Variants in AGAP1 observed in about 807,000 individuals in gnomAD.
AGAP1 encodes ArfGAP with GTPase domain, ankyrin repeat and PH domain 1, also known as arf-GAP with GTPase, ANK repeat and PH domain-containing protein 1.
Under a neutral mutation model 105.3 loss-of-function variants are expected in AGAP1, and 29 were observed. That is an observed-to-expected ratio of 0.28 (90% confidence interval 0.21 to 0.38). The LOEUF is 0.38. Among genes scored for constraint, AGAP1 ranks in the 10% least tolerant of loss-of-function variants. The probability of loss-of-function intolerance (pLI) is 1.00; values close to 1 mark genes in which losing one functional copy is unlikely to be tolerated. For missense variants in AGAP1, 998 were observed against 1,165.1 expected, an observed-to-expected ratio of 0.86 and a Z score of 2.09; for synonymous variants, 509 against 485.9, an observed-to-expected ratio of 1.05 and a Z score of -0.63.
intron 1 of AGAP1, among the ~76,000 whole-genome samples, chr2:235,593,941 C>T (rs1039019916): frequency 2.6e-5 from 4 of 151,966 alleles, no homozygotes; most frequent in African/African-American, 9.7e-5. Context: ...TGAACTCCAG[C>T]CTGGGGGACA....
In AGAP1 at chr2:236,035,897, CA is replaced by C. The variant is rs2057365175; in HGVS notation, c.1646-661del. On this transcript the variant is annotated intron_variant, in intron 13 of 17. Transcript: ENST00000304032. The surrounding 1 kb of genome is among the most constrained non-coding windows in gnomAD (Gnocchi z 4.2). The stretch of plus-strand genomic sequence containing the variant: ...CCTCAGGGGAGTCCAGGAACTTGCC[CA>C]AAGACTTAGATGTGGCAGGTGGGGT... 6.6e-6 allele frequency among the ~76,000 whole-genome samples: 1 copy of C among 152,052 alleles called. No individual in the cohort carries two copies. The highest frequency in any genetic ancestry group is 1.5e-5 in the Non-Finnish European group (1 of 68,020).
In AGAP1 at chr2:235,625,871, G is replaced by C. The variant is rs556987971; in HGVS notation, c.164-83308G>C. On this transcript the variant is annotated intron_variant, in intron 1 of 17. Coordinates refer to ENST00000304032, the MANE Select transcript of AGAP1 (RefSeq NM_001037131.3). The surrounding 1 kb of genome is among the most constrained non-coding windows in gnomAD (Gnocchi z 4.0). ...CATCTGGAAAGCATTGTGACAACAT[G>C]TGACCAAGTATTAAAAATGTTCTCA... 1.3e-5 allele frequency among the ~76,000 whole-genome samples: 2 copies of C among 152,344 alleles called. No homozygotes were observed. The highest frequency in any genetic ancestry group is 1.3e-4 in the Admixed American group (2 of 15,304).
Position 235,535,136 on chromosome 2 carries a change from G to A in AGAP1, c.163+40287G>A, listed in dbSNP as rs570540866. Among the ~76,000 whole-genome samples the A allele has an allele frequency of 1.3e-5, 2 of 152,160 alleles. No individual in the cohort carries two copies. ...CCAGGGCCAATACTTATCCGCAGGG[G>A]TGTGTGCCAGGCAGCCCAGGTCAGC... On this transcript the variant is annotated intron_variant, in intron 1 of 17. Transcript: ENST00000304032. The surrounding 1 kb of genome is among the most constrained non-coding windows in gnomAD (Gnocchi z 5.1).
intron 1 of AGAP1, among the ~76,000 whole-genome samples, chr2:235,697,642 G>A (rs949223459): frequency 6.6e-6 from 1 of 152,172 alleles, no homozygotes; most frequent in African/African-American, 2.4e-5. Flanking sequence ...AGTAAGGAGT[G>A]AGTTAATTCT....
rs1210530518 is a variant in AGAP1, at chr2:235,625,446, G to T, written c.164-83733G>T. Among the ~76,000 whole-genome samples, 2 of 152,218 alleles carry T rather than the reference G, an allele frequency of 1.3e-5. No individual in the cohort carries two copies. Among genetic ancestry groups the T allele is most frequent in the African/African-American group, 4.8e-5 (2 of 41,450 alleles). ...GGAGGTTCTGTAAATCTGGGAGAAA[G>T]GTGCCTTTCCTTTGGAGGGATGGTG... On this transcript the variant is annotated intron_variant, in intron 1 of 17. Coordinates refer to ENST00000304032, the MANE Select transcript of AGAP1 (RefSeq NM_001037131.3). The surrounding 1 kb of genome is among the most constrained non-coding windows in gnomAD (Gnocchi z 4.0).
intron 1 of AGAP1, among the ~76,000 whole-genome samples, chr2:235,675,384 G>A (rs1237411175): frequency 3.3e-5 from 5 of 151,946 alleles, no homozygotes; most frequent in Non-Finnish European, 7.4e-5. Flanking sequence ...GTAGAGACGG[G>A]GTTTCACTGT....
At position 236,001,030 on chromosome 2, in the gene AGAP1, G is replaced by C. The variant is rs2056097270; in HGVS notation, c.1645+32407G>C. 6.6e-6 allele frequency among the ~76,000 whole-genome samples: 1 copy of C among 152,182 alleles called. No homozygotes were observed. The highest frequency in any genetic ancestry group is 1.5e-5 in the Non-Finnish European group (1 of 68,032). On this transcript the variant is annotated intron_variant, in intron 13 of 17. Coordinates refer to ENST00000304032, the MANE Select transcript of AGAP1 (RefSeq NM_001037131.3). The surrounding 1 kb of genome is among the most constrained non-coding windows in gnomAD (Gnocchi z 4.7). Reference sequence around the variant, plus strand: ...AGTTGTCCTAACCCCCACTACCTCAGAATGTGGCCTCATATGGAACTAGGG... The same window carrying C: ...AGTTGTCCTAACCCCCACTACCTCACAATGTGGCCTCATATGGAACTAGGG...
Position 235,700,692 on chromosome 2 carries a change from C to A in AGAP1, c.164-8487C>A, listed in dbSNP as rs972181684. Among the ~76,000 whole-genome samples, 2 of 151,936 alleles carry A rather than the reference C, an allele frequency of 1.3e-5. No individual in the cohort carries two copies. The highest frequency in any genetic ancestry group is 2.9e-5 in the Non-Finnish European group (2 of 68,002). On this transcript the variant is annotated intron_variant, in intron 1 of 17. Coordinates refer to ENST00000304032, the MANE Select transcript of AGAP1 (RefSeq NM_001037131.3). This position sits in a 1 kb window ranked among gnomAD's most constrained non-coding sequence, Gnocchi z 6.1. ...GCGCGTGCCTGTAGTCCCAGCTACT[C>A]AAGAGACTGAGGCGGGAGAATCACT...
In AGAP1 at chr2:236,092,555, A is replaced by G. The variant is rs1394198473; in HGVS notation, c.2115-27637A>G. Among the ~76,000 whole-genome samples, 1 of 151,856 alleles carries G rather than the reference A, an allele frequency of 6.6e-6. No individual in the cohort carries two copies. Among genetic ancestry groups the G allele is most frequent in the African/African-American group, 2.4e-5 (1 of 41,322 alleles). ...ATTACAGGTGTCCGCCACCGTGCCC[A>G]GCTAATTTTTGTATTTTTATTAGAG... On this transcript the variant is annotated intron_variant, in intron 16 of 17. Coordinates refer to ENST00000304032, the MANE Select transcript of AGAP1 (RefSeq NM_001037131.3). This position sits in a 1 kb window ranked among gnomAD's most constrained non-coding sequence, Gnocchi z 4.7.
chr2:235,853,783 A>G (rs930347986), intron 9 of AGAP1, among the ~76,000 whole-genome samples: 13 of 152,174 alleles, frequency 8.5e-5, no homozygotes. Flanking sequence ...GGCTGAGAAC[A>G]GACTGGTGTG....
Position 235,569,090 on chromosome 2 carries a change from A to T in AGAP1, c.163+74241A>T, listed in dbSNP as rs1944437978. Among the ~76,000 whole-genome samples, 1 of 152,200 alleles carries T rather than the reference A, an allele frequency of 6.6e-6. No individual in the cohort carries two copies. The highest frequency in any genetic ancestry group is 2.1e-4 in the South Asian group (1 of 4,832). On this transcript the variant is annotated intron_variant, in intron 1 of 17. Coordinates refer to ENST00000304032, the MANE Select transcript of AGAP1 (RefSeq NM_001037131.3). The surrounding 1 kb of genome is among the most constrained non-coding windows in gnomAD (Gnocchi z 5.9). ...ACATGGACATTTTGGGGGACCCATGATTCAGTTTCCCTCACGTTGTCAGAG... is the reference window on the plus strand; with the variant it reads ...ACATGGACATTTTGGGGGACCCATGTTTCAGTTTCCCTCACGTTGTCAGAG...
intron 9 of AGAP1, among the ~76,000 whole-genome samples, chr2:235,825,142 C>CT (rs1286084576): frequency 9.2e-5 from 14 of 152,218 alleles, no homozygotes; most frequent in Admixed American, 9.2e-4. Flanking sequence ...GGAGAGACAG[C>CT]CATCGTGGGT....
chr2:235,627,509 G>A (rs1450285094), intron 1 of AGAP1, among the ~76,000 whole-genome samples: 2 of 152,134 alleles, frequency 1.3e-5, no homozygotes, highest in African/African-American at 4.8e-5. Context: ...ACAGGCGTGA[G>A]CCACGGCGCC....
At chr2:235,650,994 A>G (rs574640555) in intron 1 of AGAP1, among the ~76,000 whole-genome samples, 25 of 152,144 alleles carry the variant, frequency 1.6e-4, no homozygotes, top group Admixed American at 2.6e-4. Context: ...AGCCTGGACA[A>G]CATGGTGAAA....
intron 13 of AGAP1, among the ~76,000 whole-genome samples, chr2:236,017,586 C>T (rs1190398905): frequency 1.3e-5 from 2 of 152,158 alleles, no homozygotes; most frequent in African/African-American, 4.8e-5. Flanking sequence ...ACTGGAGTTT[C>T]CTGTGTCTAG....
intron 1 of AGAP1, among the ~76,000 whole-genome samples, chr2:235,538,463 A>ATGTGTGTG (rs71400772): frequency 5.9e-5 from 1 of 16,844 alleles, no homozygotes. Context: ...GTGTGTGTGC[A>ATGTGTGTG]TGCTTGTACG....
chr2:235,746,420 C>A (rs1247734968), intron 5 of AGAP1, among the ~76,000 whole-genome samples: 1 of 73,354 alleles, frequency 1.4e-5, no homozygotes, highest in Non-Finnish European at 2.5e-5. Context: ...TTAAAGCGTA[C>A]GTGGTCGCTC....
chr2:235,844,572 A>G (rs1161327594), intron 9 of AGAP1, among the ~76,000 whole-genome samples: 1 of 151,968 alleles, frequency 6.6e-6, no homozygotes, highest in East Asian at 1.9e-4. Flanking sequence ...TCTGCATTAA[A>G]CCCACCCCCT....
At position 235,750,882 on chromosome 2, in the gene AGAP1, A is replaced by G. The variant is rs369155103; in HGVS notation, c.673+394A>G. ...CTTTAAAGCAGTTTAAATATTTGAT[A>G]TTAGGCTTTGAGAAGAGAACTGAAA... On this transcript the variant is annotated intron_variant, in intron 6 of 17. Transcript: ENST00000304032. The surrounding 1 kb of genome is among the most constrained non-coding windows in gnomAD (Gnocchi z 5.3). Among the ~76,000 whole-genome samples the G allele has an allele frequency of 1.8e-4, 28 of 152,288 alleles. 1 individual carries two copies. In the South Asian group the frequency reaches 5.0e-3, roughly 27 times the overall value.
Sources: gnomAD v4.1 joint callset for allele counts (sites outside exome capture counted in the v4.1 genomes callset) on GRCh38, gnomAD v4.1.1 for gene constraint, Gnocchi (gnomAD v3.1) non-coding constraint, MANE v1.5 for transcripts, NCBI Gene and HGNC (gene_info 2026-07-23, HGNC 2026-07-21) for gene names.